Variants in PCDHA8 observed in about 807,000 individuals in gnomAD.
The protein encoded by PCDHA8 is protocadherin alpha-8.
In PCDHA8, 53 loss-of-function variants were observed where a neutral mutation model predicts 61.8. The observed-to-expected ratio is 0.86, with a 90% CI of 0.69 to 1.08. The LOEUF is 1.08. Ranked by LOEUF, PCDHA8 falls within the 50% of genes least tolerant of loss-of-function variation. PCDHA8 has a pLI of 0.00. For synonymous variants in PCDHA8, 618 were observed against 556.6 expected, an observed-to-expected ratio of 1.11 and a Z score of -1.55; for missense variants, 1,293 against 1,245.0, an observed-to-expected ratio of 1.04 and a Z score of -0.58.
chr5:140,962,216 G>C (rs554182128), intron 1 of PCDHA8, among the ~76,000 whole-genome samples: 2 of 152,170 alleles, frequency 1.3e-5, no homozygotes, highest in African/African-American at 4.8e-5. Context: ...TATTGATCTT[G>C]AGGTTCAAGT....
intron 1 of PCDHA8, among the ~76,000 whole-genome samples, chr5:140,955,604 C>T (rs1431862665): frequency 7.2e-5 from 11 of 152,060 alleles, no homozygotes; most frequent in Non-Finnish European, 1.5e-4. Context: ...TATAAATTAC[C>T]CAGTCTCAGG....
intron 1 of PCDHA8, chr5:140,882,737 G>A (rs1375859660): frequency 6.2e-7 from 1 of 1,614,090 alleles, no homozygotes; most frequent in Admixed American, 1.7e-5. Flanking sequence ...ACTAGATGGC[G>A]CATCCGATGC....
At chr5:140,956,217 T>A (rs1554222303) in intron 1 of PCDHA8, among the ~76,000 whole-genome samples, 1 of 152,208 alleles carries the variant, frequency 6.6e-6, no homozygotes, top group Non-Finnish European at 1.5e-5. Context: ...GGCATCCTTG[T>A]CTTGTGCTGG....
chr5:140,911,033 G>A lies in PCDHA8; in HGVS notation c.2394+67318G>A, dbSNP rs188656147. 2.0e-3 allele frequency among the ~76,000 whole-genome samples: 306 copies of A among 152,188 alleles called. 2 individuals are homozygous for A. The highest frequency in any genetic ancestry group is 7.0e-3 in the African/African-American group (291 of 41,532). On this transcript the variant is annotated intron_variant, in intron 1 of 3. Transcript: ENST00000531613. ...GGACTTTAGTCTAGTTATAGGTCTA[G>A]AAGCAAACAGGGGTGGTGGGGGGTG...
At chr5:140,848,448 T>C (rs2150410519) in intron 1 of PCDHA8, 3 of 1,511,550 alleles carry the variant, frequency 2.0e-6, no homozygotes, top group African/African-American at 1.4e-5. Flanking sequence ...TGATTTCTTC[T>C]AATTTGGAGG....
intron 1 of PCDHA8, among the ~76,000 whole-genome samples, chr5:140,885,862 T>C (rs2060742623): frequency 6.6e-6 from 1 of 152,182 alleles, no homozygotes; most frequent in African/African-American, 2.4e-5. Flanking sequence ...TACTTTTCTA[T>C]TGAAAAAAAA....
At chr5:140,848,886 C>G in intron 1 of PCDHA8, 2 of 1,591,496 alleles carry the variant, frequency 1.3e-6, no homozygotes, top group Admixed American at 1.7e-5. Context: ...CGACAACCCT[C>G]CAGTGTTCCC....
At chr5:140,864,245 T>C (rs1189962615) in intron 1 of PCDHA8, 1 of 152,208 alleles carries the variant, frequency 6.6e-6, no homozygotes, top group Non-Finnish European at 1.5e-5. Flanking sequence ...TTCCTATTCA[T>C]TTTCTTATTC....
chr5:140,921,932 TAATTTTACACTTGTAA>T (rs781950121), intron 1 of PCDHA8, among the ~76,000 whole-genome samples: 10 of 152,080 alleles, frequency 6.6e-5, no homozygotes, highest in Non-Finnish European at 1.5e-4. Flanking sequence ...ATAGTCAATA[TAATTTTACACTTGTAA>T]AATCCCAGAA....
At chr5:140,968,697 C>G in intron 1 of PCDHA8, 2 of 1,614,144 alleles carry the variant, frequency 1.2e-6, no homozygotes, top group South Asian at 2.2e-5. Flanking sequence ...GAAATTAGGA[C>G]TACCAGGAAG....
intron 3 of PCDHA8, among the ~76,000 whole-genome samples, chr5:140,998,830 C>G (rs1385890461): frequency 6.6e-6 from 1 of 152,200 alleles, no homozygotes; most frequent in African/African-American, 2.4e-5. Flanking sequence ...TCCCAAAGTG[C>G]TGGATTACTG....
Position 140,883,762 on chromosome 5 carries a change from G to A in PCDHA8, c.2394+40047G>A, listed in dbSNP as rs782515575. 5 of 1,612,794 alleles carry A rather than the reference G, an allele frequency of 3.1e-6. No homozygotes were observed. The South Asian group carries it at 5.5e-5, about 18-fold the overall frequency. On this transcript the variant is annotated intron_variant, in intron 1 of 3. Coordinates refer to ENST00000531613, the MANE Select transcript of PCDHA8 (RefSeq NM_018911.3). ...TCTCCTACTCGCTGGTGGAGCGGCG[G>A]GTGGGCGAGCGTGCGCTGTCGAGCT... is the stretch of plus-strand genomic sequence containing the variant.
chr5:140,842,951 C>T lies in PCDHA8; in HGVS notation c.1630C>T (p.Pro544Ser). The change falls in exon 1 of 4, where the codon CCT becomes TCT. Residue 544 changes from proline to serine, a missense_variant. By Grantham distance (74) the Pro-to-Ser change is moderately conservative. Transcript: ENST00000531613. ...QVSARDAGVP[P>S]LGSNVTLQVF... ...GAGCGCGCGCGACGCGGGCGTGCCGCCTCTGGGCAGCAACGTGACGCTGCA... is the reference window on the plus strand; with the variant it reads ...GAGCGCGCGCGACGCGGGCGTGCCGTCTCTGGGCAGCAACGTGACGCTGCA... 1.3e-6 allele frequency: 2 copies of T among 1,594,846 alleles called. No homozygotes were observed. The highest frequency in any genetic ancestry group is 1.7e-6 in the Non-Finnish European group (2 of 1,165,504).
intron 3 of PCDHA8, among the ~76,000 whole-genome samples, chr5:141,001,985 G>A (rs536683790): frequency 6.6e-5 from 10 of 152,194 alleles, no homozygotes; most frequent in Non-Finnish European, 1.5e-4. Flanking sequence ...GGAAAGCCTG[G>A]AAGTTCACTT....
At chr5:140,856,114 C>A (rs1375690984) in intron 1 of PCDHA8, 3 of 1,597,988 alleles carry the variant, frequency 1.9e-6, no homozygotes, top group Non-Finnish European at 2.6e-6. Flanking sequence ...TCCTCGCAGC[C>A]TGGGAGGTGG....
At chr5:140,868,420 A>C (rs1554161960) in intron 1 of PCDHA8, 1 of 152,238 alleles carries the variant, frequency 6.6e-6, no homozygotes, top group Non-Finnish European at 1.5e-5. Flanking sequence ...AAGCCCACAG[A>C]GATGAGAATA....
chr5:140,873,546 A>C (rs2054343070), intron 1 of PCDHA8, among the ~76,000 whole-genome samples: 2 of 151,836 alleles, frequency 1.3e-5, no homozygotes, highest in Admixed American at 1.3e-4. Context: ...TAAAATTATA[A>C]TTTCAATTTA....
intron 3 of PCDHA8, among the ~76,000 whole-genome samples, chr5:141,008,546 A>G (rs2098381708): frequency 6.6e-6 from 1 of 150,382 alleles, no homozygotes; most frequent in Non-Finnish European, 1.5e-5. Flanking sequence ...TTTATTGAAA[A>G]CTCCTGTGGA....
chr5:140,936,710 A>G (rs2091103513), intron 1 of PCDHA8, among the ~76,000 whole-genome samples: 1 of 152,216 alleles, frequency 6.6e-6, no homozygotes. Flanking sequence ...TTCTTGTGCC[A>G]ATACATTCTG....
Sources: allele counts gnomAD v4.1 joint callset (sites outside exome capture counted in the v4.1 genomes callset), GRCh38; gene constraint gnomAD v4.1.1; transcripts MANE v1.5; gene names NCBI Gene and HGNC (gene_info 2026-07-23, HGNC 2026-07-21).